CACNA2D4: variants seen among roughly 807,000 people sequenced by gnomAD.
The protein encoded by CACNA2D4 is voltage-dependent calcium channel subunit alpha-2/delta-4.
A neutral mutation model predicts 163.8 loss-of-function variants in CACNA2D4; 157 were observed. The ratio of observed to expected loss-of-function variants is 0.96; its 90% CI spans 0.84 to 1.09. The LOEUF (loss-of-function observed/expected upper bound fraction) is 1.09, where lower values mean the gene tolerates loss of function less well. Among genes scored for constraint, CACNA2D4 ranks in the 50% least tolerant of loss-of-function variants. CACNA2D4 has a pLI of 0.00. For synonymous variants in CACNA2D4, 598 were observed against 586.9 expected (o/e 1.02, Z -0.27); for missense variants, 1,410 against 1,479.9 (o/e 0.95, Z 0.78).
chr12:1,800,186 C>A (rs1408233031), intron 32 of CACNA2D4, 134 bp from the exon 33 acceptor site: 9 of 1,028,640 alleles, frequency 8.7e-6, no homozygotes, highest in Middle Eastern at 2.0e-4. Flanking sequence ...CTTGAGGGCT[C>A]TGGTTGAGCA....
intron 26 of CACNA2D4, among the ~76,000 whole-genome samples, 189 bp downstream of exon 26, chr12:1,840,550 T>C (rs2154447654): frequency 6.6e-6 from 1 of 152,354 alleles, no homozygotes; most frequent in South Asian, 2.1e-4. Flanking sequence ...TCGTGAATAC[T>C]TTCACATCCA....
At chr12:1,886,459 C>T in intron 7 of CACNA2D4, 86 bp from the exon 8 acceptor site, 1 of 1,262,660 alleles carries the variant, frequency 7.9e-7, no homozygotes, top group Non-Finnish European at 1.1e-6. Flanking sequence ...TATTTCTGTT[C>T]AGATGCTGGC....
intron 23 of CACNA2D4, among the ~76,000 whole-genome samples, chr12:1,852,654 GA>G (rs1035190966): frequency 2.0e-5 from 3 of 152,100 alleles, no homozygotes; most frequent in African/African-American, 7.2e-5. Context: ...CTCTGGTTAA[GA>G]ATATTTCCTT....
Position 1,829,829 on chromosome 12 carries a change from T to C in CACNA2D4, c.2551+10910A>G, listed in dbSNP as rs1864539617. Among the ~76,000 whole-genome samples the C allele has an allele frequency of 6.6e-6, 1 of 151,992 alleles. No homozygotes were observed. The highest frequency in any genetic ancestry group is 2.4e-5 in the African/African-American group (1 of 41,402). On this transcript the variant is annotated intron_variant, in intron 26 of 37. Transcript: ENST00000382722. The surrounding 1 kb of genome is among the most constrained non-coding windows in gnomAD (Gnocchi z 4.2). Reference sequence around the variant, plus strand: ...TAGGCTGGGTGGAACTGACCTCGGCTGGGCTGACCTGGTGGGGCTGAACTA... The same window carrying C: ...TAGGCTGGGTGGAACTGACCTCGGCCGGGCTGACCTGGTGGGGCTGAACTA...
chr12:1,828,244 G>C lies in CACNA2D4; in HGVS notation c.2551+12495C>G, dbSNP rs774893554. 6 of 1,527,098 alleles carry C rather than the reference G, an allele frequency of 3.9e-6. No individual in the cohort carries two copies. Among genetic ancestry groups the C allele is most frequent in the Middle Eastern group, 1.7e-4 (1 of 5,870 alleles). The allele number at this position is 1,527,098 out of a possible 1,614,324, so 94.6% of individuals were successfully genotyped here. A position where few individuals can be genotyped will look rare whatever the true frequency, so the allele number is the denominator to read the frequency against. ...AGTACACCCCTGGCCTCGGAGGGGG[G>C]TGCGGGTTGGGTGGGGGTGCCGAGG... On this transcript the variant is annotated intron_variant, in intron 26 of 37. Coordinates refer to ENST00000382722, the MANE Select transcript of CACNA2D4 (RefSeq NM_172364.5). This position sits in a 1 kb window ranked among gnomAD's most constrained non-coding sequence, Gnocchi z 4.2.
intron 26 of CACNA2D4, among the ~76,000 whole-genome samples, chr12:1,819,960 A>G (rs1224862488): frequency 1.3e-5 from 2 of 152,090 alleles, no homozygotes; most frequent in Non-Finnish European, 2.9e-5. Context: ...TGACCATGTG[A>G]TCCCTGGCTT....
intron 1 of CACNA2D4, among the ~76,000 whole-genome samples, chr12:1,916,635 G>A (rs770394106): frequency 2.6e-5 from 4 of 152,160 alleles, no homozygotes; most frequent in Admixed American, 6.5e-5. Flanking sequence ...CCAGCGGAGC[G>A]CAGTGCCACG....
At chr12:1,811,811 G>A (rs1324216947) in intron 26 of CACNA2D4, 88 bp from the exon 27 acceptor site, 5 of 1,303,590 alleles carry the variant, frequency 3.8e-6, no homozygotes, top group African/African-American at 2.9e-5. Flanking sequence ...AGGTGCTTCC[G>A]CAGGAACTGA....
In CACNA2D4 at chr12:1,795,372, G is replaced by A. The variant is rs753009597; in HGVS notation, c.3236C>T (p.Ser1079Phe). The change falls in exon 37 of 38, where the codon TCT becomes TTT. Residue 1079 changes from serine to phenylalanine, a missense_variant. Coordinates refer to ENST00000382722, the MANE Select transcript of CACNA2D4 (RefSeq NM_172364.5). Reference protein sequence around the residue: ...QEATEVKYNASVKCDRMRSQK... With the variant: ...QEATEVKYNAFVKCDRMRSQK... ...GGAGCGCATCCGGTCACATTTGACA[G>A]AGGCATTATGTGCAGAAGCCACTGT... 1.9e-6 allele frequency: 3 copies of A among 1,611,066 alleles called. No individual in the cohort carries two copies. The highest frequency in any genetic ancestry group is 8.5e-7 in the Non-Finnish European group (1 of 1,179,742).
chr12:1,811,313 G>C (rs534329280), intron 27 of CACNA2D4, among the ~76,000 whole-genome samples: 3 of 152,216 alleles, frequency 2.0e-5, no homozygotes, highest in Admixed American at 2.0e-4. Context: ...GCCAGAAGCC[G>C]CTGTCGTCTC....
chr12:1,883,819 C>A lies in CACNA2D4; in HGVS notation c.1351+424G>T, dbSNP rs150855707. ...GGACAATACTGAGAGGTAGACCGAC[C>A]CTGAGTCCATCCTGATCCCTCTTGG... is the stretch of plus-strand genomic sequence containing the variant. On this transcript the variant is annotated intron_variant, in intron 12 of 37. Coordinates refer to ENST00000382722, the MANE Select transcript of CACNA2D4 (RefSeq NM_172364.5). The surrounding 1 kb of genome is among the most constrained non-coding windows in gnomAD (Gnocchi z 4.5). Among the ~76,000 whole-genome samples the A allele has an allele frequency of 1.3e-5, 2 of 152,152 alleles. No individual in the cohort carries two copies. Among genetic ancestry groups the A allele is most frequent in the Non-Finnish European group, 2.9e-5 (2 of 68,028 alleles).
chr12:1,842,176 C>T (rs904111030), intron 25 of CACNA2D4, among the ~76,000 whole-genome samples: 4 of 152,166 alleles, frequency 2.6e-5, no homozygotes, highest in Non-Finnish European at 5.9e-5. Context: ...GCTACCTGGC[C>T]CAGCACCTGG....
chr12:1,833,951 G>A lies in CACNA2D4; in HGVS notation c.2551+6788C>T, dbSNP rs1426305343. Among the ~76,000 whole-genome samples, 2 of 152,154 alleles carry A rather than the reference G, an allele frequency of 1.3e-5. No individual in the cohort carries two copies. Among genetic ancestry groups the A allele is most frequent in the Non-Finnish European group, 1.5e-5 (1 of 68,028 alleles). The stretch of plus-strand genomic sequence containing the variant: ...TAGCACTGCCTTACTCTGTGGGTCC[G>A]TTTGGCCTGGGAGAGGACAGGCCGG... On this transcript the variant is annotated intron_variant, in intron 26 of 37. Transcript: ENST00000382722. The surrounding 1 kb of genome is among the most constrained non-coding windows in gnomAD (Gnocchi z 4.2).
In CACNA2D4 at chr12:1,913,037, C is replaced by G. The variant is rs564059809; in HGVS notation, c.412G>C (p.Val138Leu). 6 of 1,612,992 alleles carry G rather than the reference C, an allele frequency of 3.7e-6. No individual in the cohort carries two copies. Among genetic ancestry groups the G allele is most frequent in the Non-Finnish European group, 5.1e-6 (6 of 1,179,010 alleles). ...GCCTGGAGTACCTGGACCGCCTCGA[C>G]TTTCCTCCGCAGCATGTTCTCCATG... The part of the protein sequence containing the change: ...EDMENMLRRK[V>L]EAVQNLVEAA... Residue 138 changes from valine to leucine, a missense_variant, in exon 3 of 38, where the codon GTC (valine) becomes CTC (leucine). By Grantham distance (32) the Val-to-Leu change is conservative (BLOSUM62 1). Coordinates refer to ENST00000382722, the MANE Select transcript of CACNA2D4 (RefSeq NM_172364.5).
rs1863881038 is a variant in CACNA2D4, at chr12:1,816,594, TCAGCTCCGCTGGCAGACAA to T, written c.2552-4890_2552-4872del. Among the ~76,000 whole-genome samples, 8 of 152,310 alleles carry T rather than the reference TCAGCTCCGCTGGCAGACAA, an allele frequency of 5.3e-5. No individual in the cohort carries two copies. In the South Asian group the frequency reaches 1.7e-3, roughly 32 times the overall value. On this transcript the variant is annotated intron_variant, in intron 26 of 37. Transcript: ENST00000382722. Reference sequence around the variant, plus strand: ...AGCAGCTTTCCTGTAAGATCGCAGCTCAGCTCCGCTGGCAGACAACCTAACAAAGAGCCTCAATAAGGCC... The same window carrying T: ...AGCAGCTTTCCTGTAAGATCGCAGCTCCTAACAAAGAGCCTCAATAAGGCC...
At chr12:1,818,465 CCTTACT>C (rs200664893) in intron 26 of CACNA2D4, among the ~76,000 whole-genome samples, 3,137 of 151,942 alleles carry the variant, frequency 0.021, 199 homozygotes, top group African/African-American at 0.072. Flanking sequence ...TGATCTGTGA[CCTTACT>C]CCCAACCCTG....
chr12:1,885,405 C>T (rs1256436563), intron 9 of CACNA2D4, among the ~76,000 whole-genome samples: 4 of 152,172 alleles, frequency 2.6e-5, no homozygotes, highest in African/African-American at 9.7e-5. Flanking sequence ...GCCCGCAGCC[C>T]GCAGCCCAGG....
intron 18 of CACNA2D4, among the ~76,000 whole-genome samples, chr12:1,872,357 C>T (rs145100353): frequency 4.6e-5 from 7 of 152,254 alleles, no homozygotes; most frequent in African/African-American, 1.7e-4. Flanking sequence ...ATGCTGTTGA[C>T]GTGTGGAAAA....
chr12:1,907,422 G>A lies in CACNA2D4; in HGVS notation c.781+18C>T. 5 of 1,608,466 alleles carry A rather than the reference G, an allele frequency of 3.1e-6. No homozygotes were observed. The highest frequency in any genetic ancestry group is 4.3e-6 in the Non-Finnish European group (5 of 1,175,592). On this transcript the variant is annotated intron_variant, in intron 6 of 37. Transcript: ENST00000382722. The stretch of plus-strand genomic sequence containing the variant: ...AAGAATCCCAGAAGGTCGGGGAGAT[G>A]CAACTCCATGTCCTTACCTGGATAG...
Sources: allele counts gnomAD v4.1 joint callset (sites outside exome capture counted in the v4.1 genomes callset), GRCh38; gene constraint gnomAD v4.1.1; non-coding constraint Gnocchi (gnomAD v3.1); transcripts MANE v1.5; gene names NCBI Gene and HGNC (gene_info 2026-07-23, HGNC 2026-07-21).